OGG1: variants seen among roughly 807,000 people sequenced by gnomAD.
OGG1 encodes N-glycosylase/DNA lyase.
A neutral mutation model predicts 42.3 loss-of-function variants in OGG1; 35 were observed. The observed-to-expected ratio is 0.83, with a 90% CI of 0.63 to 1.10. OGG1 has a LOEUF of 1.10. Among genes scored for constraint, OGG1 ranks in the 50% least tolerant of loss-of-function variants. OGG1 has a pLI of 0.00. For missense variants in OGG1, 484 were observed against 446.7 expected, an observed-to-expected ratio of 1.08 and a Z score of -0.75; for synonymous variants, 189 against 179.0, an observed-to-expected ratio of 1.06 and a Z score of -0.44.
Position 9,780,503 on chromosome 3 carries a change from G to A in OGG1, c.295-1010G>A, listed in dbSNP as rs552406219. On this transcript the variant is annotated intron_variant, in intron 2 of 3. Transcript: ENST00000426518. ...TCCATGACCTCGTTGTCAGCCATGC[G>A]CACCCGCTGCCTCAGCTCCTGCCGG... 6.8e-6 allele frequency: 11 copies of A among 1,608,220 alleles called. No homozygotes were observed. In the Admixed American group the frequency reaches 1.2e-4, roughly 17 times the overall value.
At chr3:9,758,099 T>C (rs1287051545), downstream of OGG1, 3 of 462,176 alleles carry the variant, frequency 6.5e-6, no homozygotes, top group South Asian at 6.3e-5. Flanking sequence ...CATATTAATA[T>C]GTAATAGCAA....
chr3:9,781,799 G>T (rs1349249968), intron 3 of OGG1, among the ~76,000 whole-genome samples: 1 of 150,754 alleles, frequency 6.6e-6, no homozygotes, highest in Non-Finnish European at 1.5e-5. Flanking sequence ...GGTTTCCTGA[G>T]AGCTGCAAGC....
intron 3 of OGG1, chr3:9,785,289 G>C (rs939206804): frequency 6.4e-7 from 1 of 1,565,278 alleles, no homozygotes; most frequent in African/African-American, 1.3e-5. Flanking sequence ...GGGCCAGACT[G>C]TGGGTTGTGG....
downstream of OGG1, chr3:9,761,022 C>A: frequency 2.1e-6 from 1 of 473,336 alleles, no homozygotes. Context: ...TTCCCCACAC[C>A]TCCAATGTCT....
downstream of OGG1, chr3:9,761,221 G>T: frequency 2.2e-6 from 1 of 457,374 alleles, no homozygotes. Context: ...AAGAAAGTCA[G>T]CTCCCTGAGG....
In OGG1 at chr3:9,750,270, C is replaced by T. The variant is rs367778243; in HGVS notation, c.-17C>T. 21 of 1,602,336 alleles carry T rather than the reference C, an allele frequency of 1.3e-5. No homozygotes were observed. In the African/African-American group the frequency reaches 1.9e-4, roughly 14 times the overall value. ...CTGGGTAGGCGGGGCTACTACGGGGCGGTGCCTGCTGTGGAAATGCCTGCC... is the reference window on the plus strand; with the variant it reads ...CTGGGTAGGCGGGGCTACTACGGGGTGGTGCCTGCTGTGGAAATGCCTGCC... On this transcript the variant is annotated 5_prime_UTR_variant, in exon 1 of 7. Transcript: ENST00000344629.
chr3:9,756,443 A>G, intron 4 of OGG1, 28 bp from the exon 5 acceptor site: 1 of 1,613,938 alleles, frequency 6.2e-7, no homozygotes, highest in Non-Finnish European at 8.5e-7. Context: ...CCCTTCTTCC[A>G]CAAGGGCTCA....
chr3:9,759,754 AACCCCC>A, downstream of OGG1: 1 of 1,614,062 alleles, frequency 6.2e-7, no homozygotes, highest in Non-Finnish European at 8.5e-7. Flanking sequence ...TCTTTGGCTA[AACCCCC>A]AAGACAAAAG....
chr3:9,787,578 C>T (rs1286705710), intron 3 of OGG1: 3 of 1,035,406 alleles, frequency 2.9e-6, no homozygotes, highest in Non-Finnish European at 2.7e-6. Flanking sequence ...AAATAATTCC[C>T]AAGATAGAAG....
In OGG1 at chr3:9,757,192, C is replaced by T. The variant is rs184358958; in HGVS notation, c.*42C>T. On this transcript the variant is annotated 3_prime_UTR_variant, in exon 7 of 7. Transcript: ENST00000344629. The surrounding 1 kb of genome is among the most constrained non-coding windows in gnomAD (Gnocchi z 4.5). ...AAAGAAATTCCCCAAGCACCTTCCCCTCCATTCCCCACTTCTCTCTCCCCA... is the reference window on the plus strand; with the variant it reads ...AAAGAAATTCCCCAAGCACCTTCCCTTCCATTCCCCACTTCTCTCTCCCCA... The T allele has an allele frequency of 1.2e-6, 2 of 1,613,898 alleles. No individual in the cohort carries two copies. The highest frequency in any genetic ancestry group is 2.2e-5 in the East Asian group (1 of 44,880).
At chr3:9,787,072 A>C (rs766224671) in intron 3 of OGG1, 2 of 1,614,092 alleles carry the variant, frequency 1.2e-6, no homozygotes, top group African/African-American at 2.7e-5. Context: ...CCGGCTGTTC[A>C]TGCTGGGCCT....
intron 2 of OGG1, among the ~76,000 whole-genome samples, chr3:9,777,059 C>T (rs2078374106): frequency 6.6e-6 from 1 of 152,174 alleles, no homozygotes; most frequent in Non-Finnish European, 1.5e-5. Flanking sequence ...GGACCCAGAG[C>T]ACTTGGTGCC....
chr3:9,764,702 G>A (rs1174839722), intron 7 of OGG1, among the ~76,000 whole-genome samples: 2 of 141,256 alleles, frequency 1.4e-5, no homozygotes, highest in African/African-American at 2.7e-5. Flanking sequence ...GTGTGATCTC[G>A]GCTCACCGCA....
intron 1 of OGG1, 109 bp downstream of exon 1, chr3:9,750,532 G>A (rs1575180712): frequency 1.3e-6 from 2 of 1,508,676 alleles, no homozygotes; most frequent in East Asian, 2.4e-5. Context: ...AGAAACCCGG[G>A]GTACAAAAGA....
At chr3:9,775,471 C>T (rs1051276885) in intron 2 of OGG1, among the ~76,000 whole-genome samples, 9 of 152,090 alleles carry the variant, frequency 5.9e-5, no homozygotes, top group African/African-American at 2.2e-4. Flanking sequence ...CCAACTTCAC[C>T]CTCACTCCCT....
At chr3:9,784,691 C>A (rs1211165596) in intron 3 of OGG1, among the ~76,000 whole-genome samples, 2 of 151,652 alleles carry the variant, frequency 1.3e-5, no homozygotes, top group African/African-American at 4.8e-5. Context: ...ATGGTGAAAC[C>A]CCGTCTCTAC....
downstream of OGG1, chr3:9,760,891 T>G: frequency 2.1e-6 from 3 of 1,405,624 alleles, no homozygotes; most frequent in Non-Finnish European, 2.9e-6. Flanking sequence ...TTATAAACTC[T>G]ACCAGCCCTG....
At position 9,774,088 on chromosome 3, in the gene OGG1, A is replaced by G. The variant is rs1196141583; in HGVS notation, c.295-7425A>G. Among the ~76,000 whole-genome samples, 6 of 152,134 alleles carry G rather than the reference A, an allele frequency of 3.9e-5. No individual in the cohort carries two copies. In the East Asian group the frequency reaches 9.6e-4, roughly 24 times the overall value. ...AAGATTAGAGAAAATGGAAGAAATA[A>G]CAAGGAAAAGATGGACAGGTTTATT... On this transcript the variant is annotated intron_variant, in intron 2 of 3. Transcript: ENST00000426518.
At chr3:9,787,178 G>A (rs1575303830) in intron 3 of OGG1, 2 of 1,614,190 alleles carry the variant, frequency 1.2e-6, no homozygotes, top group East Asian at 2.2e-5. Context: ...CCTGGGGTTG[G>A]CAGGGAGGTG....
Sources: allele counts gnomAD v4.1 joint callset (sites outside exome capture counted in the v4.1 genomes callset), GRCh38; gene constraint gnomAD v4.1.1; non-coding constraint Gnocchi (gnomAD v3.1); transcripts MANE v1.5; gene names NCBI Gene and HGNC (gene_info 2026-07-23, HGNC 2026-07-21).